The following DNAH5 variants were observed in gnomAD, a reference collection of about 807,000 sequenced individuals.
The protein encoded by DNAH5 is axonemal beta dynein heavy chain 5.
Under a neutral mutation model 518.2 loss-of-function variants are expected in DNAH5, and 372 were observed. The ratio of observed to expected loss-of-function variants is 0.72; its 90% CI spans 0.66 to 0.78. The LOEUF (loss-of-function observed/expected upper bound fraction) is 0.78. DNAH5 is among the 30% of genes least tolerant of loss of function. The probability of loss-of-function intolerance (pLI) is 0.00; values close to 1 mark genes in which losing one functional copy is unlikely to be tolerated. For synonymous variants in DNAH5, 2,039 were observed against 2,025.9 expected (o/e 1.01, Z -0.17); for missense variants, 5,523 against 5,687.0 (o/e 0.97, Z 0.93).
In DNAH5 at chr5:13,770,765, G is replaced by A. The variant is rs753913853; in HGVS notation, c.9589C>T (p.Arg3197Trp). The A allele has an allele frequency of 3.0e-5, 48 of 1,613,766 alleles. No homozygotes were observed. The highest frequency in any genetic ancestry group is 5.5e-5 in the South Asian group (5 of 91,086). Residue 3197 changes from arginine (R) to tryptophan (W), a missense_variant, in exon 56 of 79, where the codon CGG (arginine) becomes TGG (tryptophan). Arg to Trp is a moderately radical substitution (Grantham distance 101). Transcript: ENST00000265104. ...FIYGEKHVEV[R>W]TLANRMNTGL... ...CACACTTACCTGTTGGCCAGGGTCC[G>A]CACCTCCACATGCTTTTCTCCATAT...
intron 52 of DNAH5, among the ~76,000 whole-genome samples, chr5:13,785,072 T>C (rs868681568): frequency 6.6e-6 from 1 of 152,092 alleles, no homozygotes; most frequent in Admixed American, 6.6e-5. Flanking sequence ...TAATATACTA[T>C]GAAATAATTA....
intron 60 of DNAH5, among the ~76,000 whole-genome samples, chr5:13,760,016 G>A (rs1751568944): frequency 1.3e-5 from 2 of 152,134 alleles, no homozygotes; most frequent in Non-Finnish European, 2.9e-5. Context: ...TCGCTTGTAA[G>A]TTACAATTTA....
At chr5:13,809,984 T>C (rs956707325) in intron 45 of DNAH5, 75 bp downstream of exon 45, 27 of 1,353,166 alleles carry the variant, frequency 2.0e-5, no homozygotes, top group African/African-American at 2.9e-5. Flanking sequence ...AGAAAAAATA[T>C]ATATGGTGTA....
In DNAH5 at chr5:13,735,804, G is replaced by A. The variant is rs757835503; in HGVS notation, c.11570+14C>T. On this transcript the variant is annotated intron_variant, in intron 67 of 78. Coordinates refer to ENST00000265104, the MANE Select transcript of DNAH5 (RefSeq NM_001369.3). ...GATATAGAATTCAGCTTGGCTTCCC[G>A]CGTACAGACGTACCTGGCTAAGGAA... 1.1e-5 allele frequency: 18 copies of A among 1,599,800 alleles called. No individual in the cohort carries two copies. The highest frequency in any genetic ancestry group is 8.3e-5 in the Admixed American group (5 of 59,988).
intron 70 of DNAH5, among the ~76,000 whole-genome samples, chr5:13,724,906 C>G (rs1036909658): frequency 2.1e-4 from 32 of 152,220 alleles, no homozygotes; most frequent in African/African-American, 7.7e-4. Flanking sequence ...ACCTGCAGAA[C>G]CATGAGCCAA....
Position 13,920,490 on chromosome 5 carries a change from T to C in DNAH5, c.788A>G (p.Gln263Arg). ...IEDCMKVWIK[Q>R]TEQVLAENNQ... Reference sequence around the variant, plus strand: ...GTTTCTCAAAATTACCTGTTCTGTCTGTTTGATCCATACTTTCATGCAATC... The same window carrying C: ...GTTTCTCAAAATTACCTGTTCTGTCCGTTTGATCCATACTTTCATGCAATC... The change falls in exon 6 of 79, where the codon CAG becomes CGG. Residue 263 changes from glutamine to arginine, a missense_variant. Transcript: ENST00000265104. 1 of 1,614,198 alleles carries C rather than the reference T, an allele frequency of 6.2e-7. No individual in the cohort carries two copies. The highest frequency in any genetic ancestry group is 1.1e-5 in the South Asian group (1 of 91,082).
intron 30 of DNAH5, among the ~76,000 whole-genome samples, chr5:13,856,207 G>T (rs1277153026): frequency 6.6e-6 from 1 of 152,112 alleles, no homozygotes; most frequent in Non-Finnish European, 1.5e-5. Flanking sequence ...ATGAATCCAG[G>T]AGCTGGTTTT....
At chr5:13,705,642 AC>A (rs897994754) in intron 76 of DNAH5, among the ~76,000 whole-genome samples, 6 of 152,184 alleles carry the variant, frequency 3.9e-5, no homozygotes, top group African/African-American at 1.4e-4. Flanking sequence ...TGAAGTCCTA[AC>A]CCCCAGCACC....
At chr5:13,838,833 T>G (rs1440230962) in intron 35 of DNAH5, among the ~76,000 whole-genome samples, 1 of 151,976 alleles carries the variant, frequency 6.6e-6, no homozygotes, top group Non-Finnish European at 1.5e-5. Context: ...ATCTTACAAA[T>G]GAGGGGACTG....
chr5:13,800,745 G>T (rs778729169), intron 47 of DNAH5, among the ~76,000 whole-genome samples: 1 of 152,088 alleles, frequency 6.6e-6, no homozygotes, highest in African/African-American at 2.4e-5. Context: ...AAAGAATCAC[G>T]GATCATCTGT....
At position 13,970,512 on chromosome 5, in the gene DNAH5, T is replaced by A. The variant is rs148405542; in HGVS notation, c.13-39268A>T. Among the ~76,000 whole-genome samples the A allele has an allele frequency of 4.6e-5, 7 of 152,110 alleles. No homozygotes were observed. In the East Asian group the frequency reaches 1.3e-3, roughly 29 times the overall value. On this transcript the variant is annotated intron_variant, in intron 1 of 78. Transcript: ENST00000681290. ...GATAGTGGTGAATTATGAGCATTTG[T>A]TTGTCTGAAAAAGACTATCTTTTTC...
At chr5:13,955,360 T>C (rs1780692659) in intron 1 of DNAH5, among the ~76,000 whole-genome samples, 1 of 152,198 alleles carries the variant, frequency 6.6e-6, no homozygotes, top group African/African-American at 2.4e-5. Flanking sequence ...CTTCATGAAT[T>C]ACCCAGTCTC....
At chr5:13,815,295 T>A (rs1053154172) in intron 42 of DNAH5, among the ~76,000 whole-genome samples, 6 of 152,114 alleles carry the variant, frequency 3.9e-5, no homozygotes, top group African/African-American at 1.2e-4. Context: ...GAGAATGAAG[T>A]GATGTAAAGA....
intron 29 of DNAH5, 41 bp from the exon 30 acceptor site, chr5:13,859,646 T>C (rs200890778): frequency 6.3e-7 from 1 of 1,585,432 alleles, no homozygotes; most frequent in East Asian, 2.2e-5. Flanking sequence ...TTTGTTTTTG[T>C]TGTGCTGTTG....
chr5:13,869,447 G>T (rs2151916294), intron 24 of DNAH5, among the ~76,000 whole-genome samples: 1 of 152,160 alleles, frequency 6.6e-6, no homozygotes, highest in Non-Finnish European at 1.5e-5. Context: ...TGCCTCCATG[G>T]CTGAGAAGTG....
upstream of DNAH5, among the ~76,000 whole-genome samples, chr5:13,944,712 T>C (rs985855044): frequency 1.3e-5 from 2 of 152,342 alleles, no homozygotes; most frequent in South Asian, 4.1e-4. Context: ...TTATACACTA[T>C]ACAGTTGAAC....
chr5:13,939,941 GAT>G (rs1322247822), intron 1 of DNAH5, among the ~76,000 whole-genome samples: 1 of 152,180 alleles, frequency 6.6e-6, no homozygotes, highest in Non-Finnish European at 1.5e-5. Flanking sequence ...ATTGCAAAGA[GAT>G]AGCACTTAAG....
Position 13,865,141 on chromosome 5 carries a change from C to T in DNAH5, c.4356-504G>A, listed in dbSNP as rs533568081. Among the ~76,000 whole-genome samples the T allele has an allele frequency of 4.6e-3, 695 of 151,278 alleles. 4 individuals carry two copies. Among genetic ancestry groups the T allele is most frequent in the Non-Finnish European group, 7.3e-3 (499 of 67,898 alleles). Reference sequence around the variant, plus strand: ...TCCCGAGTAGCTGGGATTACAGGTACGTGCCGCCATGCCCAGCTAATTTTT... The same window carrying T: ...TCCCGAGTAGCTGGGATTACAGGTATGTGCCGCCATGCCCAGCTAATTTTT... On this transcript the variant is annotated intron_variant, in intron 27 of 78. Coordinates refer to ENST00000265104, the MANE Select transcript of DNAH5 (RefSeq NM_001369.3).
intron 63 of DNAH5, 72 bp downstream of exon 63, chr5:13,753,161 A>T: frequency 1.8e-6 from 2 of 1,134,672 alleles, no homozygotes; most frequent in South Asian, 2.5e-5. Context: ...ATATTTCTTT[A>T]CTCTTGGATT....
Sources: gnomAD v4.1 joint callset for allele counts (sites outside exome capture counted in the v4.1 genomes callset) on GRCh38, gnomAD v4.1.1 for gene constraint, MANE v1.5 for transcripts, NCBI Gene and HGNC (gene_info 2026-07-23, HGNC 2026-07-21) for gene names.